VWA5B1: variants seen among roughly 807,000 people sequenced by gnomAD.
VWA5B1 encodes the protein von Willebrand factor A domain containing 5B1.
VWA5B1 carries 115 observed loss-of-function variants against 118.2 expected under a neutral mutation model. The observed-to-expected ratio is 0.97, with a 90% CI of 0.84 to 1.14. VWA5B1 has a LOEUF of 1.14. Ranked by LOEUF, VWA5B1 falls within the 50% of genes most tolerant of loss-of-function variation. The pLI is 0.00. For synonymous variants in VWA5B1, 682 were observed against 658.4 expected (o/e 1.04, Z -0.55); for missense variants, 1,596 against 1,603.8 (o/e 1.00, Z 0.08).
Position 20,318,587 on chromosome 1 carries a change from CAG to C in VWA5B1, c.710-2_710-1del. The C allele has an allele frequency of 6.4e-7, 1 of 1,551,482 alleles. No homozygotes were observed. Among genetic ancestry groups the C allele is most frequent in the Non-Finnish European group, 8.7e-7 (1 of 1,146,970 alleles). On this transcript the variant is annotated splice_acceptor_variant, in intron 5 of 21. Coordinates refer to ENST00000289815, the MANE Select transcript of VWA5B1 (RefSeq NM_001039500.3). LOFTEE classifies it high-confidence loss of function. ...ATCCCCCTTGCCTTTCTATGCCACT[CAG>C]GGGTGGAGAGTCCCACTCATGAGAT...
At chr1:20,351,373 G>A (rs931296937) in intron 20 of VWA5B1, among the ~76,000 whole-genome samples, 5 of 151,792 alleles carry the variant, frequency 3.3e-5, no homozygotes, top group Non-Finnish European at 5.9e-5. Flanking sequence ...TTAAAAATAG[G>A]CCAGGCATGG....
chr1:20,301,353 A>G (rs2088498627), intron 1 of VWA5B1, among the ~76,000 whole-genome samples: 1 of 152,212 alleles, frequency 6.6e-6, no homozygotes, highest in South Asian at 2.1e-4. Flanking sequence ...TCTCCCTTGC[A>G]AGCCTCTCAA....
At chr1:20,319,191 C>A (rs1242414372) in intron 6 of VWA5B1, among the ~76,000 whole-genome samples, 191 bp from the exon 7 acceptor site, 1 of 152,208 alleles carries the variant, frequency 6.6e-6, no homozygotes, top group African/African-American at 2.4e-5. Context: ...TCACCCATGG[C>A]CACTAGGCTC....
intron 17 of VWA5B1, among the ~76,000 whole-genome samples, chr1:20,347,845 G>A (rs10799631): frequency 0.015 from 2,311 of 152,124 alleles, 58 homozygotes; most frequent in African/African-American, 0.051. Context: ...CTGTGGGAGG[G>A]GTACTTGGGA....
rs1283479777 is a variant in VWA5B1 at position 20,353,898 on chromosome 1, A to G, written c.3283A>G (p.Lys1095Glu). The G allele has an allele frequency of 2.6e-6, 4 of 1,548,308 alleles. No homozygotes were observed. The highest frequency in any genetic ancestry group is 2.0e-5 in the Admixed American group (1 of 50,772). The part of the protein sequence containing the change: ...VSLTTRPSES[K>E]TPSPQLCTSS... ...CCTCACCACCCGCCCGTCTGAGTCC[A>G]AGACCCCGAGTCCCCAGCTGTGCAC... Residue 1095 changes from lysine to glutamate, a missense_variant, in exon 22 of 22, where the codon AAG becomes GAG. Lys to Glu is a moderately conservative substitution (Grantham distance 56). Coordinates refer to ENST00000289815, the MANE Select transcript of VWA5B1 (RefSeq NM_001039500.3).
At chr1:20,327,497 A>C (rs907024779) in intron 8 of VWA5B1, among the ~76,000 whole-genome samples, 2 of 152,046 alleles carry the variant, frequency 1.3e-5, no homozygotes, top group African/African-American at 4.8e-5. Flanking sequence ...CTTGGACATC[A>C]ATTCTGCTTT....
intron 7 of VWA5B1, chr1:20,323,048 G>C (rs1360781893): frequency 4.6e-6 from 1 of 219,154 alleles, no homozygotes; most frequent in African/African-American, 2.3e-5. Context: ...CTGAGAAGCG[G>C]ACATTATTCG....
chr1:20,307,496 A>G (rs1391736223), intron 1 of VWA5B1, among the ~76,000 whole-genome samples: 1 of 152,262 alleles, frequency 6.6e-6, no homozygotes, highest in Non-Finnish European at 1.5e-5. Context: ...CACTGTCCTC[A>G]TCTGCAGAAG....
In VWA5B1 at chr1:20,343,400, G is replaced by T. The variant is rs1435938680; in HGVS notation, c.2626+7G>T. The T allele has an allele frequency of 2.0e-6, 3 of 1,513,062 alleles. No homozygotes were observed. Among genetic ancestry groups the T allele is most frequent in the Non-Finnish European group, 2.6e-6 (3 of 1,132,944 alleles). The allele number at this position is 1,513,062 out of a possible 1,614,324, so 93.7% of individuals were successfully genotyped here. On this transcript the variant is annotated splice_region_variant and intron_variant, in intron 16 of 21. Coordinates refer to ENST00000289815, the MANE Select transcript of VWA5B1 (RefSeq NM_001039500.3). ...GAGGGCGAGATCGAGCAGGGTGAGCGCCACGGAACTGCGCCCCTCCCGCGG... is the reference window on the plus strand; with the variant it reads ...GAGGGCGAGATCGAGCAGGGTGAGCTCCACGGAACTGCGCCCCTCCCGCGG...
chr1:20,314,034 G>A (rs1296138495), intron 3 of VWA5B1, among the ~76,000 whole-genome samples: 1 of 152,152 alleles, frequency 6.6e-6, no homozygotes, highest in Admixed American at 6.5e-5. Flanking sequence ...TGGTTCTTGG[G>A]GTGGGAAGTA....
rs2090194097 is a variant in VWA5B1 at position 20,354,458 on chromosome 1, G to A, written c.*195G>A. On this transcript the variant is annotated 3_prime_UTR_variant, in exon 22 of 22. Coordinates refer to ENST00000289815, the MANE Select transcript of VWA5B1 (RefSeq NM_001039500.3). The stretch of plus-strand genomic sequence containing the variant: ...CATCCAGCCATGCAACTTTAGGCCA[G>A]TGCCTGCCCCCGTCTGGGCCTCAGT... 6.0e-6 allele frequency: 4 copies of A among 667,146 alleles called. No individual in the cohort carries two copies. The Admixed American group carries it at 9.3e-5, about 16-fold the overall frequency. The allele number at this position is 667,146 out of a possible 1,614,324, so 41.3% of individuals were successfully genotyped here.
chr1:20,321,687 G>T (rs973845021), intron 7 of VWA5B1, among the ~76,000 whole-genome samples: 1 of 151,276 alleles, frequency 6.6e-6, no homozygotes, highest in African/African-American at 2.4e-5. Context: ...CCGGGCGTCA[G>T]CAAAAGCCTG....
intron 1 of VWA5B1, among the ~76,000 whole-genome samples, chr1:20,304,384 T>C (rs1282642454): frequency 6.6e-6 from 1 of 151,934 alleles, no homozygotes; most frequent in African/African-American, 2.4e-5. Flanking sequence ...CAGGGCATGA[T>C]GAGAGGGTCA....
chr1:20,291,357 CTT>C (rs1491196638), intron 1 of VWA5B1, among the ~76,000 whole-genome samples: 19 of 122,306 alleles, frequency 1.6e-4, no homozygotes, highest in South Asian at 5.0e-4. Flanking sequence ...TTCTTTCTTT[CTT>C]TCTCTCTCTC....
intron 16 of VWA5B1, among the ~76,000 whole-genome samples, chr1:20,343,985 C>T (rs1452732862): frequency 7.0e-6 from 1 of 142,148 alleles, no homozygotes; most frequent in African/African-American, 2.7e-5. Flanking sequence ...AGCCCCGCCA[C>T]GGCTCACTGC....
intron 1 of VWA5B1, among the ~76,000 whole-genome samples, chr1:20,297,836 C>T (rs1033777938): frequency 3.9e-5 from 6 of 152,162 alleles, no homozygotes; most frequent in Non-Finnish European, 5.9e-5. Flanking sequence ...CCCCTCTGAG[C>T]CTCAGTCTCC....
At chr1:20,299,480 C>T (rs557614965) in intron 1 of VWA5B1, among the ~76,000 whole-genome samples, 11 of 152,298 alleles carry the variant, frequency 7.2e-5, no homozygotes, top group East Asian at 1.9e-4. Flanking sequence ...CTTAGCTCAC[C>T]GCAAGCTCCA....
At chr1:20,291,362 TC>T (rs1557821954) in intron 1 of VWA5B1, among the ~76,000 whole-genome samples, 3 of 129,218 alleles carry the variant, frequency 2.3e-5, no homozygotes, top group Admixed American at 8.0e-5. Context: ...TCTTTCTTTC[TC>T]TCTCTCTCTC....
intron 1 of VWA5B1, among the ~76,000 whole-genome samples, chr1:20,309,630 G>T (rs1190192235): frequency 2.0e-5 from 3 of 152,222 alleles, no homozygotes; most frequent in South Asian, 2.1e-4. Flanking sequence ...TTAAGCTTTG[G>T]TTCTCTGTCC....
Sources: allele counts gnomAD v4.1 joint callset (sites outside exome capture counted in the v4.1 genomes callset), GRCh38; gene constraint gnomAD v4.1.1; transcripts MANE v1.5; gene names NCBI Gene and HGNC (gene_info 2026-07-23, HGNC 2026-07-21).